C14orf39: variants seen among roughly 807,000 people sequenced by gnomAD.
The protein encoded by C14orf39 is protein SIX6OS1.
In C14orf39, 66 loss-of-function variants were observed where a neutral mutation model predicts 85.6. The ratio of observed to expected loss-of-function variants is 0.77; its 90% CI spans 0.63 to 0.95. The LOEUF (loss-of-function observed/expected upper bound fraction) is 0.95. Ranked by LOEUF, C14orf39 falls within the 40% of genes least tolerant of loss-of-function variation. C14orf39 has a pLI of 0.00. For synonymous variants in C14orf39, 242 were observed against 214.0 expected, an observed-to-expected ratio of 1.13 and a Z score of -1.14; for missense variants, 735 against 663.9, an observed-to-expected ratio of 1.11 and a Z score of -1.18.
In C14orf39 at chr14:60,471,601, T is replaced by C. The variant is rs35543839; in HGVS notation, c.462A>G (p.Ala154=). The C allele has an allele frequency of 6.2e-3, 9,996 of 1,610,426 alleles. 59 individuals carry two copies. Among genetic ancestry groups the C allele is most frequent in the Middle Eastern group, 0.01 (61 of 6,032 alleles). ...CATTCATTTTTAATTGTTCAGTACATGCCAACACTCTGCTTTGAATTTCTT... is the reference window on the plus strand; with the variant it reads ...CATTCATTTTTAATTGTTCAGTACACGCCAACACTCTGCTTTGAATTTCTT... The part of the protein sequence containing the change: ...EHEEIQSRVL[A]CTEQLKMNET... The change falls in exon 6 of 18, where the codon GCA becomes GCG. Residue 154 remains alanine (A), a synonymous_variant. Transcript: ENST00000321731.
intron 2 of C14orf39, chr14:60,495,464 G>A (rs116064396): frequency 5.8e-6 from 1 of 171,930 alleles, no homozygotes; most frequent in Non-Finnish European, 1.2e-5. Context: ...AGATTTTGAG[G>A]TACACCTATG....
intron 16 of C14orf39, among the ~76,000 whole-genome samples, chr14:60,451,724 T>C (rs545692977): frequency 6.7e-6 from 1 of 149,248 alleles, no homozygotes; most frequent in African/African-American, 2.5e-5. Flanking sequence ...CATTAGGAGA[T>C]ATACCTAATG....
intron 16 of C14orf39, among the ~76,000 whole-genome samples, chr14:60,446,166 A>G (rs562074585): frequency 1.6e-4 from 25 of 152,302 alleles, no homozygotes; most frequent in African/African-American, 5.5e-4. Flanking sequence ...GAGGAGCAAG[A>G]GCAAAGAAAT....
At chr14:60,487,493 G>GTGTGTGTT (rs1491454395), upstream of C14orf39, among the ~76,000 whole-genome samples, 1 of 3,404 alleles carries the variant, frequency 2.9e-4, no homozygotes, top group Non-Finnish European at 2.3e-3. Flanking sequence ...ATAAAAGTCC[G>GTGTGTGTT]TGTGTGTGTG....
In C14orf39 at chr14:60,440,398, C is replaced by T. The variant is rs371241752; in HGVS notation, c.1561+1676G>A. Among the ~76,000 whole-genome samples the T allele has an allele frequency of 3.0e-4, 45 of 152,284 alleles. 2 individuals carry two copies. In the South Asian group the frequency reaches 7.9e-3, roughly 27 times the overall value. ...AGTTATTCATGTCAAAACCATGGCA[C>T]AATCTTTGTTTCTCTCTCTCAATCC... On this transcript the variant is annotated intron_variant, in intron 17 of 17. Coordinates refer to ENST00000321731, the MANE Select transcript of C14orf39 (RefSeq NM_174978.3).
chr14:60,452,216 C>T (rs2882531), intron 16 of C14orf39, among the ~76,000 whole-genome samples: 26,368 of 149,188 alleles, frequency 0.18, 3,011 homozygotes, highest in East Asian at 0.54. Context: ...TAACCACAAT[C>T]GAAAAAGAGA....
In C14orf39 at chr14:60,484,925, T is replaced by G. The variant is rs764407753; in HGVS notation, c.62A>C (p.Glu21Ala). ...RLLLEFVFQYEQDISTKEEMI... is the reference protein window; with the variant it reads ...RLLLEFVFQYAQDISTKEEMI... Reference sequence around the variant, plus strand: ...CTCTTCTTTAGTACTTATGTCTTGCTCATACTGGAAGACTAAAATAAATAA... The same window carrying G: ...CTCTTCTTTAGTACTTATGTCTTGCGCATACTGGAAGACTAAAATAAATAA... Residue 21 changes from glutamate (E) to alanine (A), a missense_variant, in exon 3 of 18, where the codon GAG becomes GCG. Transcript: ENST00000321731. This position sits in a 1 kb window ranked among gnomAD's most constrained non-coding sequence, Gnocchi z 4.2. The G allele has an allele frequency of 2.5e-6, 4 of 1,573,110 alleles. No homozygotes were observed. Among genetic ancestry groups the G allele is most frequent in the Non-Finnish European group, 3.5e-6 (4 of 1,156,572 alleles).
intron 11 of C14orf39, among the ~76,000 whole-genome samples, chr14:60,464,117 G>T (rs562393120): frequency 6.6e-6 from 1 of 152,108 alleles, no homozygotes; most frequent in Non-Finnish European, 1.5e-5. Flanking sequence ...TTAAAAATGG[G>T]GCTGACTCAG....
At chr14:60,495,970 T>C in intron 2 of C14orf39, 1 of 470,702 alleles carries the variant, frequency 2.1e-6, no homozygotes, top group South Asian at 1.5e-5. Context: ...GGAGCACATA[T>C]GTCCCACTTT....
At chr14:60,508,581 T>C (rs1893239944) in intron 1 of C14orf39, among the ~76,000 whole-genome samples, 1 of 152,210 alleles carries the variant, frequency 6.6e-6, no homozygotes, top group African/African-American at 2.4e-5. Context: ...CCTGGTCCTG[T>C]TCCTGCTGCT....
intron 2 of C14orf39, chr14:60,494,458 T>C (rs1893037298): frequency 6.5e-6 from 1 of 153,608 alleles, no homozygotes; most frequent in Non-Finnish European, 1.5e-5. Context: ...ATTGGGCTGC[T>C]AAAAAGGTGT....
intron 5 of C14orf39, among the ~76,000 whole-genome samples, chr14:60,476,609 C>G (rs113097318): frequency 4.6e-5 from 7 of 152,144 alleles, no homozygotes; most frequent in Admixed American, 1.3e-4. Flanking sequence ...CACAGAAGTC[C>G]TCTATAACAA....
At chr14:60,455,310 A>C (rs2140068256) in intron 15 of C14orf39, among the ~76,000 whole-genome samples, 165 bp from the exon 16 acceptor site, 1 of 152,198 alleles carries the variant, frequency 6.6e-6, no homozygotes, top group South Asian at 2.1e-4. Context: ...TATGAGGTGG[A>C]GACTAATGTT....
In C14orf39 at chr14:60,491,837, A is replaced by T. The variant is rs552923536; in HGVS notation, c.-8-6751T>A. On this transcript the variant is annotated intron_variant, in intron 2 of 5. Coordinates refer to the C14orf39 transcript ENST00000556799. The surrounding 1 kb of genome is among the most constrained non-coding windows in gnomAD (Gnocchi z 4.5). ...CTTTTTCTCTCTCTCTCTCTCTCTC[A>T]CACACACACACATCCCTATGTTAAA... 3.0e-3 allele frequency among the ~76,000 whole-genome samples: 453 copies of T among 151,368 alleles called. No homozygotes were observed. The highest frequency in any genetic ancestry group is 4.6e-3 in the Non-Finnish European group (310 of 67,758).
At chr14:60,510,208 A>G (rs1375598459) in intron 1 of C14orf39, among the ~76,000 whole-genome samples, 3 of 152,148 alleles carry the variant, frequency 2.0e-5, no homozygotes, top group African/African-American at 7.2e-5. Flanking sequence ...GGTCCCGGTC[A>G]CCAAACCAAG....
intron 5 of C14orf39, among the ~76,000 whole-genome samples, chr14:60,476,439 G>C (rs1892380933): frequency 1.3e-5 from 2 of 152,176 alleles, no homozygotes; most frequent in African/African-American, 4.8e-5. Flanking sequence ...GGAGAAACAA[G>C]TAATTGGTGC....
At chr14:60,500,338 T>A (rs1893124518) in intron 1 of C14orf39, among the ~76,000 whole-genome samples, 1 of 152,216 alleles carries the variant, frequency 6.6e-6, no homozygotes, top group Non-Finnish European at 1.5e-5. Flanking sequence ...GGAATGACAC[T>A]CTTATACAGA....
At chr14:60,454,644 C>T (rs1346238188) in intron 16 of C14orf39, among the ~76,000 whole-genome samples, 1 of 151,956 alleles carries the variant, frequency 6.6e-6, no homozygotes, top group Non-Finnish European at 1.5e-5. Flanking sequence ...TATGTATACA[C>T]ATGTAGTTGA....
chr14:60,511,252 A>T (rs771466473), intron 1 of C14orf39: 16 of 1,613,278 alleles, frequency 9.9e-6, no homozygotes, highest in Non-Finnish European at 7.6e-6. Context: ...GCGACATCTG[A>T]GTTGCCCATC....
Sources: gnomAD v4.1 joint callset for allele counts (sites outside exome capture counted in the v4.1 genomes callset) on GRCh38, gnomAD v4.1.1 for gene constraint, Gnocchi (gnomAD v3.1) non-coding constraint, MANE v1.5 for transcripts, NCBI Gene and HGNC (gene_info 2026-07-23, HGNC 2026-07-21) for gene names.